The following PITRM1 variants were observed in gnomAD, a reference collection of about 807,000 sequenced individuals.
PITRM1 encodes the protein pitrilysin metallopeptidase 1, also known as presequence protease, mitochondrial.
PITRM1 carries 100 observed loss-of-function variants against 129.9 expected under a neutral mutation model. That is an observed-to-expected ratio of 0.77 (90% CI 0.65 to 0.91). The LOEUF (loss-of-function observed/expected upper bound fraction) is 0.91, where lower values mean the gene tolerates loss of function less well. Among genes scored for constraint, PITRM1 ranks in the 40% least tolerant of loss-of-function variants. The pLI, the probability that PITRM1 is intolerant of heterozygous loss-of-function variation, is 0.00. For missense variants in PITRM1, 1,471 were observed against 1,318.3 expected (o/e 1.12, Z -1.79); for synonymous variants, 591 against 508.8 (o/e 1.16, Z -2.17).
chr10:3,156,734 A>G (rs1294687623), intron 13 of PITRM1, among the ~76,000 whole-genome samples, 196 bp downstream of exon 13: 4 of 152,216 alleles, frequency 2.6e-5, no homozygotes, highest in African/African-American at 9.7e-5. Context: ...GCACATATAC[A>G]TTTATCTAAA....
chr10:3,158,758 A>C (rs1467119825), intron 10 of PITRM1, among the ~76,000 whole-genome samples, 156 bp downstream of exon 10: 1 of 152,240 alleles, frequency 6.6e-6, no homozygotes, highest in East Asian at 1.9e-4. Flanking sequence ...GACACTCAGC[A>C]ACTTCCTGGT....
chr10:3,156,648 T>C (rs1262363373), intron 13 of PITRM1, among the ~76,000 whole-genome samples: 1 of 152,244 alleles, frequency 6.6e-6, no homozygotes, highest in East Asian at 1.9e-4. Flanking sequence ...TTTATATTCT[T>C]CTACTAATAA....
Position 3,143,515 on chromosome 10 carries a change from T to C in PITRM1, c.2533-14A>G, listed in dbSNP as rs367946773. On this transcript the variant is annotated splice_polypyrimidine_tract_variant and intron_variant, in intron 22 of 26. Transcript: ENST00000224949. ...GAAGGTGGGTTCCTGAGGGACACGG[T>C]ATGGTCAGAGGCGGCTGTGCTGCCA... 320 of 1,569,986 alleles carry C rather than the reference T, an allele frequency of 2.0e-4. No homozygotes were observed. In the African/African-American group the frequency reaches 3.0e-3, roughly 14 times the overall value.
chr10:3,156,432 T>C (rs1841990656), intron 13 of PITRM1, among the ~76,000 whole-genome samples: 1 of 152,242 alleles, frequency 6.6e-6, no homozygotes, highest in African/African-American at 2.4e-5. Context: ...TGGAACCTAC[T>C]GGAGAGTTTC....
chr10:3,170,244 A>G, intron 1 of PITRM1, 38 bp from the exon 2 acceptor site: 1 of 1,458,040 alleles, frequency 6.9e-7, no homozygotes, highest in Non-Finnish European at 9.6e-7. Context: ...GAGTTGCAGG[A>G]AAAGTATCTG....
chr10:3,154,507 T>C (rs1211346092), intron 14 of PITRM1, among the ~76,000 whole-genome samples: 2 of 152,222 alleles, frequency 1.3e-5, no homozygotes, highest in East Asian at 3.8e-4. Context: ...AGTAGGTGTA[T>C]AATTGTATAT....
intron 24 of PITRM1, among the ~76,000 whole-genome samples, chr10:3,140,261 A>G (rs1413128694): frequency 3.9e-5 from 6 of 152,264 alleles, no homozygotes; most frequent in African/African-American, 1.2e-4. Flanking sequence ...GGTGACCAAC[A>G]GGCAGGTACC....
chr10:3,145,931 T>G, intron 20 of PITRM1: 1 of 547,284 alleles, frequency 1.8e-6, no homozygotes, highest in Non-Finnish European at 3.3e-6. Context: ...TGGCAGCTAA[T>G]GAAGCCGTCC....
chr10:3,170,499 CTT>C (rs1843243943), intron 1 of PITRM1, among the ~76,000 whole-genome samples: 1 of 152,116 alleles, frequency 6.6e-6, no homozygotes, highest in African/African-American at 2.4e-5. Flanking sequence ...AGAGACAACT[CTT>C]AAACAAAAGG....
chr10:3,143,696 C>G (rs574787236), intron 22 of PITRM1, 195 bp from the exon 23 acceptor site: 28 of 708,524 alleles, frequency 4.0e-5, no homozygotes, highest in Non-Finnish European at 2.1e-5. Context: ...CAAGGCACTG[C>G]AGTTCCGTCA....
rs184954182 is a variant in PITRM1, at chr10:3,151,264, A to G, written c.1721T>C (p.Leu574Ser). ...DIEPTIPVTE[L>S]DVVLTAGDIP... is the part of the protein sequence containing the mutation. ...ACAGTGACCTGTCAGGACCACGTCCAACTCTGTGACAGGTATGGTGGGTTC... is the reference window on the plus strand; with the variant it reads ...ACAGTGACCTGTCAGGACCACGTCCGACTCTGTGACAGGTATGGTGGGTTC... The change falls in exon 15 of 27, where the codon TTG becomes TCG. Residue 574 changes from leucine to serine, a missense_variant. Transcript: ENST00000224949. 9.8e-4 allele frequency: 1,569 copies of G among 1,600,590 alleles called. 16 individuals are homozygous for G. The African/African-American group carries it at 0.019, about 20-fold the overall frequency.
Position 3,144,363 on chromosome 10 carries a change from G to C in PITRM1, c.2461C>G (p.Pro821Ala). The change falls in exon 22 of 27, where the codon CCT becomes GCT. Residue 821 changes from proline (P) to alanine (A), a missense_variant. Pro to Ala is a conservative substitution (Grantham distance 27). Transcript: ENST00000224949. The stretch of plus-strand genomic sequence containing the variant: ...TCTCCACCAGAGCTGCTGGGCACAG[G>C]TTTCTGAAAATCAAGTTTCCAAGAG... ...RPVRPHTVEK[P>A]VPSSSGGDAH... 1 of 1,550,050 alleles carries C rather than the reference G, an allele frequency of 6.5e-7. No homozygotes were observed. Among genetic ancestry groups the C allele is most frequent in the Non-Finnish European group, 8.7e-7 (1 of 1,144,596 alleles).
At chr10:3,144,685 G>A (rs777514999) in intron 21 of PITRM1, among the ~76,000 whole-genome samples, 18 of 151,998 alleles carry the variant, frequency 1.2e-4, no homozygotes, top group Non-Finnish European at 2.5e-4. Context: ...CACACCTGTA[G>A]CCCCAGCTAC....
At chr10:3,142,760 G>C (rs1009037475) in intron 23 of PITRM1, among the ~76,000 whole-genome samples, 2 of 152,210 alleles carry the variant, frequency 1.3e-5, no homozygotes, top group African/African-American at 2.4e-5. Flanking sequence ...ACTTGGTGGG[G>C]AGACAGGGGA....
intron 7 of PITRM1, among the ~76,000 whole-genome samples, chr10:3,162,813 C>A (rs1426494515): frequency 6.6e-6 from 1 of 152,238 alleles, no homozygotes; most frequent in Non-Finnish European, 1.5e-5. Flanking sequence ...CTGCCGTCCC[C>A]TAGAGGGTGC....
chr10:3,156,192 T>C (rs547859515), intron 13 of PITRM1, among the ~76,000 whole-genome samples: 1 of 152,352 alleles, frequency 6.6e-6, no homozygotes, highest in African/African-American at 2.4e-5. Flanking sequence ...TCGTAAGTTA[T>C]TAGAACAAAA....
Position 3,141,747 on chromosome 10 carries a change from A to G in PITRM1, c.2646-935T>C, listed in dbSNP as rs368309888. ...ACAGACAGGCCTTTTCCTAAAGTGG[A>G]TGAAGGGAGTCAAATAGGCCAGGTG... On this transcript the variant is annotated intron_variant, in intron 23 of 26. Coordinates refer to ENST00000224949, the MANE Select transcript of PITRM1 (RefSeq NM_014889.4). The G allele has an allele frequency of 1.8e-5, 8 of 446,056 alleles. No individual in the cohort carries two copies. In the East Asian group the frequency reaches 3.0e-4, roughly 17 times the overall value. 27.6% of individuals were successfully genotyped at this position (446,056 alleles called of 1,614,324 possible).
chr10:3,150,213 G>A (rs1841371826), intron 15 of PITRM1, among the ~76,000 whole-genome samples: 3 of 152,120 alleles, frequency 2.0e-5, no homozygotes, highest in Admixed American at 2.0e-4. Flanking sequence ...GACCTCAAGG[G>A]GAGGGCTGGA....
intron 12 of PITRM1, 164 bp downstream of exon 12, chr10:3,157,271 G>A (rs1333709180): frequency 4.7e-6 from 3 of 644,226 alleles, no homozygotes; most frequent in Admixed American, 7.3e-5. Context: ...AAAAAGCACA[G>A]GCTGAAATAA....
Sources: gnomAD v4.1 joint callset for allele counts (sites outside exome capture counted in the v4.1 genomes callset) on GRCh38, gnomAD v4.1.1 for gene constraint, MANE v1.5 for transcripts, NCBI Gene and HGNC (gene_info 2026-07-23, HGNC 2026-07-21) for gene names.